CRY1: variants seen among roughly 807,000 people sequenced by gnomAD.
The protein encoded by CRY1 is cryptochrome circadian regulator 1.
A neutral mutation model predicts 76.0 loss-of-function variants in CRY1; 45 were observed. The ratio of observed to expected loss-of-function variants is 0.59; its 90% CI spans 0.47 to 0.76. The LOEUF (loss-of-function observed/expected upper bound fraction) is 0.76. CRY1 is among the 30% of genes least tolerant of loss of function. The pLI is 0.00. For synonymous variants in CRY1, 248 were observed against 244.0 expected, an observed-to-expected ratio of 1.02 and a Z score of -0.15; for missense variants, 587 against 716.4, an observed-to-expected ratio of 0.82 and a Z score of 2.06.
intron 2 of CRY1, among the ~76,000 whole-genome samples, chr12:107,019,814 G>C (rs372781345): frequency 2.0e-5 from 3 of 151,846 alleles, no homozygotes; most frequent in African/African-American, 7.3e-5. Flanking sequence ...TTAGCTACTC[G>C]ATCCTGTAGT....
intron 1 of CRY1, among the ~76,000 whole-genome samples, chr12:107,056,848 A>G (rs1289663889): frequency 6.6e-6 from 1 of 152,180 alleles, no homozygotes; most frequent in African/African-American, 2.4e-5. Flanking sequence ...AGACAACAGA[A>G]TATTTTCAAT....
chr12:107,057,689 C>T (rs910836639), intron 1 of CRY1, among the ~76,000 whole-genome samples: 1 of 152,032 alleles, frequency 6.6e-6, no homozygotes, highest in Non-Finnish European at 1.5e-5. Context: ...TATCATCATG[C>T]CACTGTACTC....
At chr12:107,009,283 C>T (rs1054026727) in intron 2 of CRY1, among the ~76,000 whole-genome samples, 10 of 151,814 alleles carry the variant, frequency 6.6e-5, no homozygotes, top group African/African-American at 2.2e-4. Flanking sequence ...GTGGCTCACA[C>T]CAGTGAGCTC....
At chr12:107,026,772 T>G (rs1565829419) in intron 1 of CRY1, among the ~76,000 whole-genome samples, 1 of 30,110 alleles carries the variant, frequency 3.3e-5, no homozygotes. Context: ...AATTCCTGTT[T>G]TTTTTTTTTT....
chr12:107,034,835 G>C (rs758579110), intron 1 of CRY1, among the ~76,000 whole-genome samples: 1 of 152,100 alleles, frequency 6.6e-6, no homozygotes, highest in African/African-American at 2.4e-5. Context: ...ATAAATAAGC[G>C]TTTCAAAGGA....
chr12:106,998,691 C>CACACA (rs968068608), intron 7 of CRY1, among the ~76,000 whole-genome samples: 4 of 151,040 alleles, frequency 2.6e-5, no homozygotes, highest in East Asian at 1.9e-4. Flanking sequence ...CACACACACA[C>CACACA]AAGCTCAGAA....
intron 1 of CRY1, among the ~76,000 whole-genome samples, chr12:107,026,109 AAAAT>A (rs1952606406): frequency 2.1e-5 from 1 of 46,934 alleles, no homozygotes; most frequent in South Asian, 8.3e-4. Flanking sequence ...ACATATATAT[AAAAT>A]ATATATATTA....
chr12:107,012,911 G>A (rs79142441), intron 2 of CRY1, among the ~76,000 whole-genome samples: 1 of 152,200 alleles, frequency 6.6e-6, no homozygotes, highest in Non-Finnish European at 1.5e-5. Flanking sequence ...GCAGCCTGAG[G>A]ATGTGACTGA....
chr12:107,022,021 A>C, intron 2 of CRY1, 63 bp downstream of exon 2: 1 of 1,237,610 alleles, frequency 8.1e-7, no homozygotes, highest in South Asian at 1.4e-5. Flanking sequence ...AAAAAACTTT[A>C]TTTACCAAAT....
chr12:107,056,924 C>T (rs1210515494), intron 1 of CRY1, among the ~76,000 whole-genome samples: 2 of 151,960 alleles, frequency 1.3e-5, no homozygotes, highest in African/African-American at 2.4e-5. Context: ...AGAATTAAGA[C>T]AAACATATAG....
chr12:107,081,088 ATC>A (rs990865648), intron 1 of CRY1, among the ~76,000 whole-genome samples: 1 of 152,146 alleles, frequency 6.6e-6, no homozygotes, highest in Non-Finnish European at 1.5e-5. Flanking sequence ...AGACAGCAGT[ATC>A]TCTTCCACTG....
chr12:107,067,125 G>A (rs1953122142), intron 1 of CRY1, among the ~76,000 whole-genome samples: 1 of 152,096 alleles, frequency 6.6e-6, no homozygotes, highest in Non-Finnish European at 1.5e-5. Flanking sequence ...TGCAAACTAT[G>A]GCCCATGGGA....
Position 106,992,851 on chromosome 12 carries a change from C to T in CRY1, c.1697G>A (p.Arg566His), listed in dbSNP as rs112756518. The T allele has an allele frequency of 8.1e-6, 13 of 1,613,886 alleles. No homozygotes were observed. The highest frequency in any genetic ancestry group is 4.4e-5 in the South Asian group (4 of 91,070). ...SMGTGLSGGKRPSQEEDTQSI... is the reference protein window; with the variant it reads ...SMGTGLSGGKHPSQEEDTQSI... ...CTGTGTGTCCTCTTCCTGACTAGGA[C>T]GTTTCCCACCACTGAGACCAGTGCC... is the stretch of plus-strand genomic sequence containing the variant. The change falls in exon 12 of 13, where the codon CGT becomes CAT. Residue 566 changes from arginine (R) to histidine (H), a missense_variant. Transcript: ENST00000008527.
chr12:107,055,439 A>T (rs1952971281), intron 1 of CRY1, among the ~76,000 whole-genome samples: 1 of 152,152 alleles, frequency 6.6e-6, no homozygotes, highest in African/African-American at 2.4e-5. Context: ...CACCTAAATA[A>T]TTGTATCAGA....
rs35683352 is a variant in CRY1 at position 107,062,025 on chromosome 12, C to CA, written c.158+30778dup. On this transcript the variant is annotated intron_variant, in intron 1 of 12. Coordinates refer to ENST00000008527, the MANE Select transcript of CRY1 (RefSeq NM_004075.5). ...TGGACAACAGAGCAAGACCCTGTCT[C>CA]AAAAAAAAAAAAAAAAAAAGAAAAA... is the stretch of plus-strand genomic sequence containing the variant. Among the ~76,000 whole-genome samples, 904 of 93,430 alleles carry CA rather than the reference C, an allele frequency of 9.7e-3. 7 individuals are homozygous for CA. Among genetic ancestry groups the CA allele is most frequent in the African/African-American group, 0.014 (293 of 21,428 alleles). 61.3% of individuals were successfully genotyped at this position (93,430 alleles called of 152,430 possible). A position where few individuals can be genotyped will look rare whatever the true frequency, so the allele number is the denominator to read the frequency against.
chr12:107,013,659 AC>A (rs1322579888), intron 2 of CRY1, among the ~76,000 whole-genome samples: 1 of 152,194 alleles, frequency 6.6e-6, no homozygotes, highest in Admixed American at 6.5e-5. Context: ...ATAAGGCTAC[AC>A]TTCAGTATGG....
chr12:107,007,139 T>C (rs1258883281), intron 2 of CRY1, among the ~76,000 whole-genome samples: 1 of 152,244 alleles, frequency 6.6e-6, no homozygotes. Context: ...TAGTACGAAC[T>C]TGCTATTTTT....
intron 1 of CRY1, among the ~76,000 whole-genome samples, chr12:107,023,404 G>A (rs1420399): frequency 0.51 from 76,778 of 151,976 alleles, 20,317 homozygotes; most frequent in East Asian, 0.72. Context: ...GCTGGTGGCT[G>A]GCTACCATAC....
chr12:107,045,294 G>C (rs780105024), intron 1 of CRY1, among the ~76,000 whole-genome samples: 19 of 152,142 alleles, frequency 1.2e-4, no homozygotes, highest in Non-Finnish European at 2.4e-4. Context: ...TCAGAAACAA[G>C]GGAGAAATAA....
Sources: allele counts gnomAD v4.1 joint callset (sites outside exome capture counted in the v4.1 genomes callset), GRCh38; gene constraint gnomAD v4.1.1; transcripts MANE v1.5; gene names NCBI Gene and HGNC (gene_info 2026-07-23, HGNC 2026-07-21).